Variants in KRAS observed in about 807,000 individuals in gnomAD.
The protein encoded by KRAS is GTPase KRas.
A neutral mutation model predicts 21.0 loss-of-function variants in KRAS; 1 was observed. The observed-to-expected ratio is 0.05, with a 90% CI of 0.02 to 0.23. The LOEUF (loss-of-function observed/expected upper bound fraction) is 0.23. Ranked by LOEUF, KRAS falls within the 10% of genes least tolerant of loss-of-function variation. KRAS has a pLI of 1.00. For missense variants in KRAS, 107 were observed against 221.8 expected (o/e 0.48, Z 3.29); for synonymous variants, 67 against 72.5 (o/e 0.92, Z 0.39).
intron 2 of KRAS, among the ~76,000 whole-genome samples, chr12:25,242,259 A>G (rs2135802347): frequency 6.6e-6 from 1 of 152,316 alleles, no homozygotes; most frequent in African/African-American, 2.4e-5. Flanking sequence ...TGCTATATTT[A>G]TTCTTACTAG....
chr12:25,241,931 T>C (rs1366494974), intron 2 of KRAS, among the ~76,000 whole-genome samples: 2 of 152,244 alleles, frequency 1.3e-5, no homozygotes, highest in African/African-American at 2.4e-5. Context: ...GCTTTTCTTA[T>C]ACCAGTCTTC....
rs554262279 is a variant in KRAS, at chr12:25,221,498, C to T, written c.450+4116G>A. On this transcript the variant is annotated intron_variant, in intron 4 of 4. Transcript: ENST00000311936. The stretch of plus-strand genomic sequence containing the variant: ...GTGTGCCCACCTCGGCTTCCCACCT[C>T]ATTTCTGGGATTACAGGCATGAGCC... Among the ~76,000 whole-genome samples, 4 of 152,174 alleles carry T rather than the reference C, an allele frequency of 2.6e-5. No individual in the cohort carries two copies. In the South Asian group the frequency reaches 8.3e-4, roughly 32 times the overall value.
Position 25,207,221 on chromosome 12 carries a change from T to C in KRAS, c.*2574A>G. On this transcript the variant is annotated 3_prime_UTR_variant, in exon 5 of 5. Coordinates refer to ENST00000311936, the MANE Select transcript of KRAS (RefSeq NM_004985.5). Reference sequence around the variant, plus strand: ...GCCTTGTGTGGTGACTGGCATCTGGTAGGCACTCAATAAATATTTGCTGAA... The same window carrying C: ...GCCTTGTGTGGTGACTGGCATCTGGCAGGCACTCAATAAATATTTGCTGAA... 1 of 207,948 alleles carries C rather than the reference T, an allele frequency of 4.8e-6. No homozygotes were observed. The highest frequency in any genetic ancestry group is 9.8e-6 in the Non-Finnish European group (1 of 102,114). 12.9% of individuals were successfully genotyped at this position (207,948 alleles called of 1,614,324 possible).
chr12:25,237,989 A>G (rs536104541), intron 2 of KRAS, among the ~76,000 whole-genome samples: 1 of 152,314 alleles, frequency 6.6e-6, no homozygotes, highest in South Asian at 2.1e-4. Flanking sequence ...GCTACAACTG[A>G]AGGCTATGAA....
At chr12:25,211,161 A>G (rs962070405) in intron 4 of KRAS, 1 of 152,246 alleles carries the variant, frequency 6.6e-6, no homozygotes, top group Non-Finnish European at 1.5e-5. Flanking sequence ...AGGAACAATG[A>G]AAACTGGGTT....
chr12:25,237,330 G>A (rs1951556255), intron 2 of KRAS, among the ~76,000 whole-genome samples: 1 of 152,176 alleles, frequency 6.6e-6, no homozygotes, highest in Non-Finnish European at 1.5e-5. Flanking sequence ...CACAACCCTT[G>A]TGAATATACT....
intron 4 of KRAS, among the ~76,000 whole-genome samples, chr12:25,214,295 T>C (rs750175759): frequency 6.6e-6 from 1 of 151,568 alleles, no homozygotes; most frequent in East Asian, 1.9e-4. Context: ...TTTTTAGATA[T>C]AAGACCAAAA....
At chr12:25,232,970 T>C (rs11047911) in intron 2 of KRAS, among the ~76,000 whole-genome samples, 1 of 151,682 alleles carries the variant, frequency 6.6e-6, no homozygotes, top group Non-Finnish European at 1.5e-5. Context: ...AAATATGTGG[T>C]TTTTTTTTAA....
Position 25,205,439 on chromosome 12 carries a change from AAAC to A in KRAS, c.*4353_*4355del, listed in dbSNP as rs1951125398. ...TAGGTCAGCGCAACCAAATGATGGA[AAAC>A]AACTGGATCACACTGCATATGTCCC... On this transcript the variant is annotated 3_prime_UTR_variant, in exon 5 of 5. Transcript: ENST00000311936. 1 of 214,776 alleles carries A rather than the reference AAAC, an allele frequency of 4.7e-6. No homozygotes were observed. 13.3% of individuals were successfully genotyped at this position (214,776 alleles called of 1,614,324 possible). A position where few individuals can be genotyped will look rare whatever the true frequency, so the allele number is the denominator to read the frequency against.
intron 2 of KRAS, 101 bp from the exon 3 acceptor site, chr12:25,227,513 G>A: frequency 1.9e-6 from 2 of 1,046,978 alleles, no homozygotes; most frequent in Non-Finnish European, 2.9e-6. Context: ...TTTAAAAATG[G>A]GCAAAGGACT....
At chr12:25,238,143 T>G (rs1951566504) in intron 2 of KRAS, among the ~76,000 whole-genome samples, 1 of 152,250 alleles carries the variant, frequency 6.6e-6, no homozygotes, top group African/African-American at 2.4e-5. Flanking sequence ...CTTAAAATTA[T>G]AAGAATGGTG....
chr12:25,234,942 A>T, intron 2 of KRAS: 1 of 268,160 alleles, frequency 3.7e-6, no homozygotes, highest in Non-Finnish European at 7.0e-6. Flanking sequence ...TAAAGAAACT[A>T]ATAACTTTTA....
intron 2 of KRAS, among the ~76,000 whole-genome samples, chr12:25,230,231 A>T (rs780409367): frequency 1.3e-5 from 2 of 152,328 alleles, no homozygotes; most frequent in South Asian, 4.1e-4. Flanking sequence ...GATCACAATA[A>T]TATGTGTTTA....
At chr12:25,245,456 C>T (rs1951665776) in intron 1 of KRAS, 61 bp from the exon 2 acceptor site, 2 of 1,478,988 alleles carry the variant, frequency 1.4e-6, no homozygotes, top group Admixed American at 1.9e-5. Context: ...AAGGTTAATA[C>T]ACTATCAAAT....
intron 3 of KRAS, among the ~76,000 whole-genome samples, chr12:25,226,151 T>G (rs889070557): frequency 3.9e-5 from 6 of 152,200 alleles, no homozygotes; most frequent in Admixed American, 3.9e-4. Flanking sequence ...TACAAAAACC[T>G]GAATTAAAGC....
At chr12:25,221,932 C>T (rs1340647071) in intron 4 of KRAS, among the ~76,000 whole-genome samples, 5 of 152,096 alleles carry the variant, frequency 3.3e-5, no homozygotes, top group Admixed American at 6.6e-5. Flanking sequence ...AGGTGGATCA[C>T]GAGGTCAAGA....
chr12:25,239,331 C>G (rs748767005), intron 2 of KRAS, among the ~76,000 whole-genome samples: 10 of 152,044 alleles, frequency 6.6e-5, no homozygotes, highest in Non-Finnish European at 1.0e-4. Context: ...TTAAAGAAAA[C>G]TTAATTTTTA....
chr12:25,240,892 G>A (rs758468807), intron 2 of KRAS, among the ~76,000 whole-genome samples: 4 of 152,012 alleles, frequency 2.6e-5, no homozygotes, highest in African/African-American at 9.7e-5. Flanking sequence ...TAAAAATCAG[G>A]TGCTCACAAC....
chr12:25,250,103 A>AT (rs1240086622), intron 1 of KRAS, among the ~76,000 whole-genome samples: 1 of 151,766 alleles, frequency 6.6e-6, no homozygotes, highest in East Asian at 1.9e-4. Flanking sequence ...AGGCAGATGC[A>AT]TTTTTTTCCA....
Sources: gnomAD v4.1 joint callset for allele counts (sites outside exome capture counted in the v4.1 genomes callset) on GRCh38, gnomAD v4.1.1 for gene constraint, MANE v1.5 for transcripts, NCBI Gene and HGNC (gene_info 2026-07-23, HGNC 2026-07-21) for gene names.